SLC29A1: variants seen among roughly 807,000 people sequenced by gnomAD.
The protein encoded by SLC29A1 is equilibrative nucleoside transporter 1.
Under a neutral mutation model 48.3 loss-of-function variants are expected in SLC29A1, and 22 were observed. The observed-to-expected ratio is 0.46, with a 90% CI of 0.33 to 0.65. The LOEUF is 0.65. Among genes scored for constraint, SLC29A1 ranks in the 30% least tolerant of loss-of-function variants. The pLI is 0.03. For missense variants in SLC29A1, 491 were observed against 575.3 expected, an observed-to-expected ratio of 0.85 and a Z score of 1.50; for synonymous variants, 228 against 231.0, an observed-to-expected ratio of 0.99 and a Z score of 0.12.
upstream of SLC29A1, chr6:44,223,467 C>T (rs1582924827): frequency 1.1e-6 from 1 of 869,594 alleles, no homozygotes; most frequent in Non-Finnish European, 1.3e-6. The surrounding 1 kb of genome is among the most constrained non-coding windows in gnomAD (Gnocchi z 5.0). Context: ...CGCGCGGAGT[C>T]GCCGCGGGGT....
chr6:44,226,795 G>A (rs867040962), intron 1 of SLC29A1: 11 of 1,010,000 alleles, frequency 1.1e-5, no homozygotes, highest in East Asian at 2.0e-4. Context: ...TGCCTGTTCC[G>A]TGTCCTTCCT....
In SLC29A1 at chr6:44,230,645, T is replaced by C; in HGVS notation, c.667T>C (p.Tyr223His). ...TGTTATCATTTTGACCATCATCTGTTACCTGGGCCTGCCCCGCCTGGTGAG... is the reference window on the plus strand; with the variant it reads ...TGTTATCATTTTGACCATCATCTGTCACCTGGGCCTGCCCCGCCTGGTGAG... ...CAVIILTIIC[Y>H]LGLPRLEFYR... The change falls in exon 7 of 13, where the codon TAC (tyrosine) becomes CAC (histidine). Residue 223 changes from tyrosine to histidine, a missense_variant. Transcript: ENST00000371755. 2 of 1,571,834 alleles carry C rather than the reference T, an allele frequency of 1.3e-6. No individual in the cohort carries two copies. Among genetic ancestry groups the C allele is most frequent in the Non-Finnish European group, 1.7e-6 (2 of 1,157,748 alleles).
rs764786554 is a variant in SLC29A1, at chr6:44,231,474, G to A, written c.864+13G>A. 6.5e-7 allele frequency: 1 copy of A among 1,534,728 alleles called. No homozygotes were observed. Among genetic ancestry groups the A allele is most frequent in the South Asian group, 1.1e-5 (1 of 87,702 alleles). ...CATCCTGAAAAATGTACGTAGGGGA[G>A]GTTATCCTATCTTCTACCCCTTGTC... On this transcript the variant is annotated intron_variant, in intron 9 of 12. Transcript: ENST00000371755.
chr6:44,227,146 C>G, intron 1 of SLC29A1, 117 bp from the exon 2 acceptor site: 1 of 1,378,712 alleles, frequency 7.3e-7, no homozygotes, highest in Non-Finnish European at 9.8e-7. Context: ...CAGAGGGGGT[C>G]TTACTGGACT....
chr6:44,226,136 C>G, intron 1 of SLC29A1: 3 of 985,246 alleles, frequency 3.0e-6, no homozygotes, highest in Non-Finnish European at 3.6e-6. Context: ...TTGCTCTGCT[C>G]TGACCCTTCT....
chr6:44,224,649 G>A (rs1777094355), intron 1 of SLC29A1, among the ~76,000 whole-genome samples: 3 of 152,142 alleles, frequency 2.0e-5, no homozygotes, highest in Admixed American at 2.0e-4. Flanking sequence ...ACTAGCTTAT[G>A]GGTGGTTGTG....
upstream of SLC29A1, among the ~76,000 whole-genome samples, chr6:44,222,251 G>C (rs1776519574): frequency 1.5e-5 from 2 of 134,006 alleles, no homozygotes; most frequent in South Asian, 5.7e-4. Context: ...GGCTGGCGGG[G>C]ATGTGGGGGA....
At chr6:44,225,295 C>T (rs959370940) in intron 1 of SLC29A1, among the ~76,000 whole-genome samples, 7 of 152,030 alleles carry the variant, frequency 4.6e-5, no homozygotes, top group African/African-American at 1.7e-4. Context: ...CACCTGAGGT[C>T]GGGAGTTCGA....
At chr6:44,220,344 A>AT (rs3997542), upstream of SLC29A1, among the ~76,000 whole-genome samples, 40,897 of 126,382 alleles carry the variant, frequency 0.32, 6,744 homozygotes, top group South Asian at 0.38. Context: ...TGCTCAGCTA[A>AT]TTTTTTTTTT....
At chr6:44,230,187 C>T in intron 5 of SLC29A1, 141 bp downstream of exon 5, 3 of 1,456,568 alleles carry the variant, frequency 2.1e-6, no homozygotes, top group Non-Finnish European at 2.8e-6. Context: ...GATTCAGAGG[C>T]CTGAGTGGGC....
intron 7 of SLC29A1, 30 bp from the exon 8 acceptor site, chr6:44,230,781 T>G: frequency 6.2e-7 from 1 of 1,601,310 alleles, no homozygotes; most frequent in Non-Finnish European, 8.6e-7. Context: ...TGCCTCTAAA[T>G]CCACCTCCCC....
intron 1 of SLC29A1, chr6:44,227,057 A>G: frequency 7.3e-7 from 1 of 1,361,940 alleles, no homozygotes; most frequent in South Asian, 1.6e-5. Context: ...CTGAGCAGGC[A>G]GGGGGGCCGC....
intron 1 of SLC29A1, among the ~76,000 whole-genome samples, chr6:44,225,264 G>A (rs886638268): frequency 2.0e-5 from 3 of 152,096 alleles, no homozygotes; most frequent in African/African-American, 7.2e-5. Flanking sequence ...CCAGCACTTT[G>A]GGAAGCCAAG....
Position 44,233,618 on chromosome 6 carries a change from G to A in SLC29A1, c.*90G>A. ...AGGGGTGATCCTGAGTGGTCTGGCG[G>A]TTTTTTCTTCTAACTGACTTCTGCT... On this transcript the variant is annotated 3_prime_UTR_variant, in exon 13 of 13. Transcript: ENST00000371755. 1.9e-6 allele frequency: 2 copies of A among 1,068,658 alleles called. No individual in the cohort carries two copies. The highest frequency in any genetic ancestry group is 1.4e-6 in the Non-Finnish European group (1 of 696,424). The allele number at this position is 1,068,658 out of a possible 1,614,324, so 66.2% of individuals were successfully genotyped here.
In SLC29A1 at chr6:44,230,362, T is replaced by C; in HGVS notation, c.470T>C (p.Leu157Pro). The change falls in exon 6 of 13, where the codon CTG becomes CCG. Residue 157 changes from leucine to proline, a missense_variant. Transcript: ENST00000371755. ...GTTTCCCCAGCATTTGGTGCCATCC[T>C]GCAGGGCAGCCTGTTTGGTCTGGCT... is the stretch of plus-strand genomic sequence containing the variant. ...IVLINSFGAI[L>P]QGSLFGLAGL... 6.2e-7 allele frequency: 1 copy of C among 1,613,316 alleles called. No homozygotes were observed. Among genetic ancestry groups the C allele is most frequent in the Non-Finnish European group, 8.5e-7 (1 of 1,179,336 alleles).
chr6:44,231,335 A>T, intron 8 of SLC29A1, 29 bp from the exon 9 acceptor site: 1 of 1,447,570 alleles, frequency 6.9e-7, no homozygotes. Context: ...TGTCTTCCCC[A>T]CAACTTGGAG....
chr6:44,219,898 C>A, upstream of SLC29A1: 1 of 647,562 alleles, frequency 1.5e-6, no homozygotes, highest in Non-Finnish European at 2.3e-6. Flanking sequence ...CGCTGGGCTA[C>A]AGTGTCTCAG....
At position 44,229,532 on chromosome 6, in the gene SLC29A1, C is replaced by T; in HGVS notation, c.112-57C>T. On this transcript the variant is annotated intron_variant, in intron 3 of 12. Transcript: ENST00000371755. This position sits in a 1 kb window ranked among gnomAD's most constrained non-coding sequence, Gnocchi z 5.1. ...CCCACTGTGCTTGCAGGATCTGACT[C>T]TGTGCTGGTAGGCACAGGGAAAGAG... The T allele has an allele frequency of 6.2e-7, 1 of 1,610,430 alleles. No individual in the cohort carries two copies. The highest frequency in any genetic ancestry group is 1.3e-5 in the African/African-American group (1 of 74,968).
upstream of SLC29A1, chr6:44,219,741 G>A: frequency 7.8e-7 from 1 of 1,288,946 alleles, no homozygotes; most frequent in South Asian, 1.2e-5. Context: ...GGGAATTTCC[G>A]TCCCCCACCA....
Sources: allele counts gnomAD v4.1 joint callset (sites outside exome capture counted in the v4.1 genomes callset), GRCh38; gene constraint gnomAD v4.1.1; non-coding constraint Gnocchi (gnomAD v3.1); transcripts MANE v1.5; gene names NCBI Gene and HGNC (gene_info 2026-07-23, HGNC 2026-07-21).